Variants in SH3KBP1 observed in about 807,000 individuals in gnomAD.
SH3KBP1 encodes the protein SH3 domain-containing kinase-binding protein 1.
A neutral mutation model predicts 50.1 loss-of-function variants in SH3KBP1; 8 were observed. The ratio of observed to expected loss-of-function variants is 0.16; its 90% CI spans 0.09 to 0.29. The LOEUF is 0.29. Ranked by LOEUF, SH3KBP1 falls within the 10% of genes least tolerant of loss-of-function variation. The probability of loss-of-function intolerance (pLI) is 1.00; values close to 1 mark genes in which losing one functional copy is unlikely to be tolerated. For missense variants in SH3KBP1, 377 were observed against 535.2 expected, an observed-to-expected ratio of 0.70 and a Z score of 2.92; for synonymous variants, 227 against 218.6, an observed-to-expected ratio of 1.04 and a Z score of -0.34.
intron 6 of SH3KBP1, among the ~76,000 whole-genome samples, chrX:19,649,343 C>T (rs1021124254): frequency 1.8e-5 from 2 of 111,744 alleles, no homozygotes; most frequent in African/African-American, 3.3e-5. Flanking sequence ...TTCTCCCTAA[C>T]TTGGCCCATT....
chrX:19,541,561 G>T (rs1161181380), intron 16 of SH3KBP1, among the ~76,000 whole-genome samples: 1 of 112,201 alleles, frequency 8.9e-6, no homozygotes, highest in Admixed American at 9.4e-5. Flanking sequence ...AAGAGGAAAA[G>T]CTAGCTGTTG....
At chrX:19,547,139 A>G (rs2065108618) in intron 14 of SH3KBP1, among the ~76,000 whole-genome samples, 1 of 99,912 alleles carries the variant, frequency 1.0e-5, no homozygotes, top group Non-Finnish European at 2.0e-5. Flanking sequence ...TGGACAAAAG[A>G]GTGGGACCCT....
intron 7 of SH3KBP1, among the ~76,000 whole-genome samples, chrX:19,643,669 C>T (rs1320836960): frequency 1.8e-5 from 2 of 111,409 alleles, no homozygotes; most frequent in East Asian, 2.8e-4. Context: ...AACATCTATA[C>T]CCAAAGACAC....
chrX:19,742,660 A>G (rs1195240990), intron 3 of SH3KBP1, among the ~76,000 whole-genome samples: 1 of 111,473 alleles, frequency 9.0e-6, no homozygotes, highest in Non-Finnish European at 1.9e-5. Flanking sequence ...TTTTTTAAAA[A>G]AGTCTCTATA....
Position 19,543,887 on chromosome X carries a change from G to C in SH3KBP1, c.1624-1694C>G, listed in dbSNP as rs183723483. Among the ~76,000 whole-genome samples, 32 of 111,398 alleles carry C rather than the reference G, an allele frequency of 2.9e-4. No individual in the cohort carries two copies. The East Asian group carries it at 8.5e-3, about 30-fold the overall frequency. On this transcript the variant is annotated intron_variant, in intron 15 of 17. Coordinates refer to ENST00000397821, the MANE Select transcript of SH3KBP1 (RefSeq NM_031892.3). ...CCCCTGGGGGAGAAGGCACCAACAA[G>C]GGAGCTGGGAGGCAGGTGGCGAGGA...
chrX:19,669,650 G>A (rs2062733518), intron 6 of SH3KBP1, among the ~76,000 whole-genome samples: 1 of 111,596 alleles, frequency 9.0e-6, no homozygotes, highest in African/African-American at 3.3e-5. Context: ...TCAGAACTCA[G>A]AACAAAGACA....
chrX:19,847,847 T>C (rs2068404630), intron 1 of SH3KBP1, among the ~76,000 whole-genome samples: 1 of 112,425 alleles, frequency 8.9e-6, no homozygotes, highest in South Asian at 3.6e-4. Context: ...GTAAATACTT[T>C]ATTGCAGCAT....
rs2062841796 is a variant in SH3KBP1, at chrX:19,673,082, A to C, written c.726+10741T>G. 3.7e-5 allele frequency among the ~76,000 whole-genome samples: 4 copies of C among 109,073 alleles called. No individual in the cohort carries two copies. In the South Asian group the frequency reaches 1.6e-3, roughly 43 times the overall value. The allele number at this position is 109,073 out of a possible 115,157, so 94.7% of individuals were successfully genotyped here. On this transcript the variant is annotated intron_variant, in intron 6 of 17. Transcript: ENST00000397821. Reference sequence around the variant, plus strand: ...TTCTGTCTCAAAAAAAAAAAAAAAAAAAAAGATAATATGAAACGTACCACG... The same window carrying C: ...TTCTGTCTCAAAAAAAAAAAAAAAACAAAAGATAATATGAAACGTACCACG...
chrX:19,691,228 G>A (rs1025389839), intron 5 of SH3KBP1, among the ~76,000 whole-genome samples: 7 of 107,244 alleles, frequency 6.5e-5, no homozygotes, highest in African/African-American at 2.4e-4. Flanking sequence ...AAAGTAGGAC[G>A]GCCAGACATT....
At chrX:19,777,967 G>C (rs1488653999) in intron 2 of SH3KBP1, among the ~76,000 whole-genome samples, 1 of 111,196 alleles carries the variant, frequency 9.0e-6, no homozygotes, top group Non-Finnish European at 1.9e-5. Context: ...GGCTACAGGA[G>C]GGGCCGAGAT....
chrX:19,595,063 G>T (rs775772611), intron 9 of SH3KBP1, 63 bp from the exon 10 acceptor site: 49 of 803,232 alleles, frequency 6.1e-5, no homozygotes, highest in Non-Finnish European at 8.4e-5. Flanking sequence ...CTCACAGAAG[G>T]ACCACAGACA....
chrX:19,646,243 T>C (rs1444820561), intron 6 of SH3KBP1, among the ~76,000 whole-genome samples: 2 of 112,197 alleles, frequency 1.8e-5, no homozygotes, highest in African/African-American at 6.5e-5. Flanking sequence ...CTTTCCTTCA[T>C]TTGCGGCTAA....
intron 8 of SH3KBP1, among the ~76,000 whole-genome samples, chrX:19,625,048 G>T (rs1388569445): frequency 8.9e-6 from 1 of 112,076 alleles, no homozygotes; most frequent in African/African-American, 3.2e-5. Context: ...AGTTCAGAGA[G>T]AAAGGGTCAG....
At chrX:19,867,860 G>GA (rs888237120) in intron 1 of SH3KBP1, among the ~76,000 whole-genome samples, 35 of 109,505 alleles carry the variant, frequency 3.2e-4, no homozygotes, top group African/African-American at 1.1e-3. Flanking sequence ...ACTGATGAAA[G>GA]AAAAAAAAAT....
At chrX:19,778,889 A>G (rs1327561864) in intron 2 of SH3KBP1, among the ~76,000 whole-genome samples, 1 of 110,141 alleles carries the variant, frequency 9.1e-6, no homozygotes, top group Non-Finnish European at 1.9e-5. Flanking sequence ...GTTCCTTTCT[A>G]TTTCACCGCT....
chrX:19,608,347 C>T (rs1366524068), intron 8 of SH3KBP1, among the ~76,000 whole-genome samples: 6 of 93,562 alleles, frequency 6.4e-5, no homozygotes, highest in East Asian at 3.2e-4. Context: ...CTCACTCTGT[C>T]GCCCAGGCTG....
At chrX:19,551,550 C>CTTTTTTTTTTTTTTTTTTT (rs397800260) in intron 13 of SH3KBP1, among the ~76,000 whole-genome samples, 93 of 95,132 alleles carry the variant, frequency 9.8e-4, no homozygotes, top group African/African-American at 3.7e-3. Flanking sequence ...CTCCCTCCCT[C>CTTTTTTTTTTTTTTTTTTT]TTTTTTTTTT....
intron 1 of SH3KBP1, among the ~76,000 whole-genome samples, chrX:19,877,898 G>A (rs982051229): frequency 1.8e-5 from 2 of 112,310 alleles, no homozygotes; most frequent in African/African-American, 6.5e-5. Flanking sequence ...CTCCAGCAGT[G>A]CCCCCACCAC....
intron 2 of SH3KBP1, among the ~76,000 whole-genome samples, chrX:19,766,913 T>A (rs2065637978): frequency 9.0e-6 from 1 of 111,522 alleles, no homozygotes; most frequent in African/African-American, 3.3e-5. Context: ...TCCAAAATCC[T>A]TAACCATATC....
Sources: gnomAD v4.1 joint callset for allele counts (sites outside exome capture counted in the v4.1 genomes callset) on GRCh38, gnomAD v4.1.1 for gene constraint, MANE v1.5 for transcripts, NCBI Gene and HGNC (gene_info 2026-07-23, HGNC 2026-07-21) for gene names.